The following ZFAND4 variants were observed in gnomAD, a reference collection of about 807,000 sequenced individuals.
ZFAND4 encodes the protein AN1-type zinc finger protein 4.
In ZFAND4, 43 loss-of-function variants were observed where a neutral mutation model predicts 64.4. That is an observed-to-expected ratio of 0.67 (90% CI 0.52 to 0.86). ZFAND4 has a LOEUF of 0.86. Among genes scored for constraint, ZFAND4 ranks in the 40% least tolerant of loss-of-function variants. The probability of loss-of-function intolerance (pLI) is 0.00; values close to 1 mark genes in which losing one functional copy is unlikely to be tolerated. For missense variants in ZFAND4, 929 were observed against 859.8 expected, an observed-to-expected ratio of 1.08 and a Z score of -1.01; for synonymous variants, 296 against 305.7, an observed-to-expected ratio of 0.97 and a Z score of 0.33.
chr10:45,637,287 G>A (rs1457505390), intron 6 of ZFAND4, among the ~76,000 whole-genome samples: 1 of 145,658 alleles, frequency 6.9e-6, no homozygotes, highest in Non-Finnish European at 1.5e-5. Flanking sequence ...GTTGCAGTGG[G>A]CCAATATTGT....
intron 7 of ZFAND4, among the ~76,000 whole-genome samples, chr10:45,625,344 G>C (rs2045728349): frequency 6.6e-6 from 1 of 150,766 alleles, no homozygotes; most frequent in African/African-American, 2.4e-5. Flanking sequence ...CGTGGTGGTA[G>C]GTGCCTGTAG....
rs867358284 is a variant in ZFAND4, at chr10:45,648,535, C to T, written c.329-1G>A. ...TTCCTAAGTGGATCGTCTGTAGGAA[C>T]TACAAATGGAAAATTGAAATAAGTC... On this transcript the variant is annotated splice_acceptor_variant, in intron 4 of 9. Coordinates refer to ENST00000344646, the MANE Select transcript of ZFAND4 (RefSeq NM_174890.4). LOFTEE classifies it high-confidence loss of function. 8 of 1,590,170 alleles carry T rather than the reference C, an allele frequency of 5.0e-6. No individual in the cohort carries two copies. Among genetic ancestry groups the T allele is most frequent in the Non-Finnish European group, 6.8e-6 (8 of 1,169,612 alleles).
intron 1 of ZFAND4, among the ~76,000 whole-genome samples, chr10:45,664,262 T>C (rs2048661845): frequency 6.6e-6 from 1 of 151,750 alleles, no homozygotes. Flanking sequence ...TTTACAACGA[T>C]TGTACATTTG....
At chr10:45,648,087 C>A (rs557346978) in intron 5 of ZFAND4, among the ~76,000 whole-genome samples, 1 of 152,086 alleles carries the variant, frequency 6.6e-6, no homozygotes, top group Non-Finnish European at 1.5e-5. Context: ...ATCTATTAGG[C>A]ATCTTAGAGT....
intron 1 of ZFAND4, among the ~76,000 whole-genome samples, chr10:45,665,943 T>C (rs1315251127): frequency 1.3e-5 from 2 of 152,252 alleles, no homozygotes; most frequent in Non-Finnish European, 2.9e-5. Flanking sequence ...TAGCAATATA[T>C]CTCATGTTGT....
intron 8 of ZFAND4, among the ~76,000 whole-genome samples, chr10:45,620,059 A>G (rs1564544421): frequency 6.6e-6 from 1 of 152,260 alleles, no homozygotes; most frequent in African/African-American, 2.4e-5. Flanking sequence ...ATTCAGGCTT[A>G]GGATATTCTT....
At chr10:45,622,733 A>C (rs1386956270) in intron 8 of ZFAND4, among the ~76,000 whole-genome samples, 1 of 152,254 alleles carries the variant, frequency 6.6e-6, no homozygotes, top group Admixed American at 6.5e-5. Flanking sequence ...TTCCCCGTTC[A>C]GAACATCAGA....
In ZFAND4 at chr10:45,626,390, G is replaced by T. The variant is rs141032179; in HGVS notation, c.1433C>A (p.Ser478Tyr). Residue 478 changes from serine (S) to tyrosine (Y), a missense_variant, in exon 7 of 10, where the codon TCT (serine) becomes TAT (tyrosine). By Grantham distance (144) the Ser-to-Tyr change is moderately radical. Transcript: ENST00000344646. ...KNRLLSPLRC[S>Y]APMSLHNSLV... ...AGAATTATGTAGCGACATTGGTGCAGAACAGCGAAGAGGTGACAAGAGTCT... is the reference window on the plus strand; with the variant it reads ...AGAATTATGTAGCGACATTGGTGCATAACAGCGAAGAGGTGACAAGAGTCT... 153 of 1,614,020 alleles carry T rather than the reference G, an allele frequency of 9.5e-5. No homozygotes were observed. Among genetic ancestry groups the T allele is most frequent in the Non-Finnish European group, 1.2e-4 (143 of 1,180,050 alleles).
intron 2 of ZFAND4, among the ~76,000 whole-genome samples, chr10:45,661,112 C>T (rs924520696): frequency 6.6e-6 from 1 of 152,138 alleles, no homozygotes; most frequent in Non-Finnish European, 1.5e-5. Context: ...AATCCCAGCT[C>T]TTTGGAAGGC....
chr10:45,626,078 A>T lies in ZFAND4; in HGVS notation c.1745T>A (p.Leu582Ter), dbSNP rs2045799168. 1 of 1,614,110 alleles carries T rather than the reference A, an allele frequency of 6.2e-7. No homozygotes were observed. Among genetic ancestry groups the T allele is most frequent in the Non-Finnish European group, 8.5e-7 (1 of 1,180,032 alleles). Residue 582 changes from leucine to a stop codon, truncating the protein, a stop_gained, in exon 7 of 10, where the codon TTA becomes TAA. Coordinates refer to ENST00000344646, the MANE Select transcript of ZFAND4 (RefSeq NM_174890.4). LOFTEE classifies it high-confidence loss of function. Reference protein sequence around the residue: ...SLAGSTSRNRLQSTRGAGRLQ... With the variant: ...SLAGSTSRNR Reference sequence around the variant, plus strand: ...CCTGCCTGCCCCACGTGTGCTCTGTAATCTATTTCTGCTTGTGCTCCCGGC... The same window carrying T: ...CCTGCCTGCCCCACGTGTGCTCTGTTATCTATTTCTGCTTGTGCTCCCGGC...
chr10:45,633,215 CA>C (rs201868878), intron 6 of ZFAND4, among the ~76,000 whole-genome samples: 10,380 of 87,986 alleles, frequency 0.12, 453 homozygotes, highest in African/African-American at 0.2. Context: ...ATCAAGTTGA[CA>C]AAAAAAAAAA....
chr10:45,667,906 T>C (rs2048936752), intron 1 of ZFAND4, among the ~76,000 whole-genome samples: 2 of 152,256 alleles, frequency 1.3e-5, no homozygotes, highest in African/African-American at 4.8e-5. Flanking sequence ...ATGTTAACCG[T>C]GGGGTTTTCA....
At chr10:45,644,294 T>C (rs1051303223) in intron 5 of ZFAND4, among the ~76,000 whole-genome samples, 1 of 152,204 alleles carries the variant, frequency 6.6e-6, no homozygotes, top group African/African-American at 2.4e-5. Context: ...AGCAATTAGA[T>C]AGCAAAGCAT....
chr10:45,647,427 T>G (rs188437784), intron 5 of ZFAND4, among the ~76,000 whole-genome samples: 3,162 of 146,798 alleles, frequency 0.022, 102 homozygotes, highest in African/African-American at 0.076. Context: ...ACAAGCTGTT[T>G]TTTTTTTTTT....
rs376115051 is a variant in ZFAND4 at position 45,653,066 on chromosome 10, G to C, written c.185-7C>G. 25 of 1,598,406 alleles carry C rather than the reference G, an allele frequency of 1.6e-5. No homozygotes were observed. In the Middle Eastern group the frequency reaches 1.0e-3, roughly 64 times the overall value. ...TGTCGACAGATGGGAATACCTTAAG[G>C]GAAAGTTATTAAAAAAAAGTGTTAA... On this transcript the variant is annotated splice_region_variant and splice_polypyrimidine_tract_variant and intron_variant, in intron 2 of 9. Coordinates refer to ENST00000344646, the MANE Select transcript of ZFAND4 (RefSeq NM_174890.4).
At chr10:45,648,152 C>A in intron 5 of ZFAND4, 142 bp downstream of exon 5, 9 of 779,614 alleles carry the variant, frequency 1.2e-5, no homozygotes, top group South Asian at 5.5e-5. Context: ...TCTAAAAAAA[C>A]CTCAGTTTTA....
chr10:45,637,413 C>T (rs1274959508), intron 6 of ZFAND4, among the ~76,000 whole-genome samples: 4 of 150,464 alleles, frequency 2.7e-5, no homozygotes, highest in Non-Finnish European at 5.9e-5. Context: ...GCTTTAAAGA[C>T]CTGTGGTAGG....
chr10:45,649,978 G>A (rs1263606147), intron 4 of ZFAND4: 4 of 152,060 alleles, frequency 2.6e-5, no homozygotes, highest in Non-Finnish European at 5.9e-5. Flanking sequence ...AAATCTTTCA[G>A]ATTTTATCAG....
intron 2 of ZFAND4, among the ~76,000 whole-genome samples, chr10:45,660,216 T>C (rs1430840867): frequency 2.0e-5 from 3 of 148,652 alleles, no homozygotes; most frequent in South Asian, 2.2e-4. Flanking sequence ...CAAGGCACAG[T>C]GGTATGCACT....
Sources: allele counts gnomAD v4.1 joint callset (sites outside exome capture counted in the v4.1 genomes callset), GRCh38; gene constraint gnomAD v4.1.1; transcripts MANE v1.5; gene names NCBI Gene and HGNC (gene_info 2026-07-23, HGNC 2026-07-21).